The following KLRC4 variants were observed in gnomAD, a reference collection of about 807,000 sequenced individuals.
KLRC4 encodes the protein NKG2-F type II integral membrane protein.
Under a neutral mutation model 14.3 loss-of-function variants are expected in KLRC4, and 6 were observed. The ratio of observed to expected loss-of-function variants is 0.42; its 90% CI spans 0.23 to 0.83. The LOEUF is 0.83. KLRC4 is among the 40% of genes least tolerant of loss of function. The pLI, the probability that KLRC4 is intolerant of heterozygous loss-of-function variation, is 0.29. For synonymous variants in KLRC4, 53 were observed against 60.5 expected, an observed-to-expected ratio of 0.88 and a Z score of 0.57; for missense variants, 158 against 179.4, an observed-to-expected ratio of 0.88 and a Z score of 0.68.
intron 1 of KLRC4, 75 bp from the exon 2 acceptor site, chr12:10,409,085 ACG>A: frequency 6.7e-7 from 1 of 1,494,698 alleles, no homozygotes. Flanking sequence ...AAGAGAACTC[ACG>A]TGCACAGGAA....
chr12:10,408,969 C>T lies in KLRC4; in HGVS notation c.229G>A (p.Gly77Arg), dbSNP rs761018292. 3 of 1,613,698 alleles carry T rather than the reference C, an allele frequency of 1.9e-6. No individual in the cohort carries two copies. The Admixed American group carries it at 5.0e-5, about 27-fold the overall frequency. The change falls in exon 2 of 4, where the codon GGA (glycine) becomes AGA (arginine). Residue 77 changes from glycine (G) to arginine (R), a missense_variant. Physicochemically the swap from Gly to Arg is moderately radical, Grantham distance 125 (BLOSUM62 -2). Transcript: ENST00000309384. Reference protein sequence around the residue: ...PPEKLTAEVLGIICIVLMATV... With the variant: ...PPEKLTAEVLRIICIVLMATV... ...GCCATCAGGACAATGCAAATGATTC[C>T]TAGGACCTCAGCAGTGAGCTTCTCT... is the stretch of plus-strand genomic sequence containing the variant.
intron 1 of KLRC4, 106 bp from the exon 2 acceptor site, chr12:10,409,116 G>A (rs1863546347): frequency 1.6e-6 from 2 of 1,250,684 alleles, no homozygotes; most frequent in Non-Finnish European, 2.3e-6. Context: ...GATAAACTCT[G>A]TCCTCTAAAT....
chr12:10,409,481 G>A lies in KLRC4; in HGVS notation c.95C>T (p.Ser32Leu). The change falls in exon 1 of 4, where the codon TCA becomes TTA. Residue 32 changes from serine (S) to leucine (L), a missense_variant. By Grantham distance (145) the Ser-to-Leu change is moderately radical. Coordinates refer to ENST00000309384, the MANE Select transcript of KLRC4 (RefSeq NM_013431.2). ...RKLKGNKISISGTKQEIFQVE... is the reference protein window; with the variant it reads ...RKLKGNKISILGTKQEIFQVE... ...TTGGAATATTTCCTGTTTGGTTCCT[G>A]AAATGGAGATTTTATTGCCCTTAAG... 1 of 1,613,890 alleles carries A rather than the reference G, an allele frequency of 6.2e-7. No homozygotes were observed. The highest frequency in any genetic ancestry group is 2.2e-5 in the East Asian group (1 of 44,872).
chr12:10,409,387 A>C lies in KLRC4; in HGVS notation c.187+2T>G, dbSNP rs1270556669. The C allele has an allele frequency of 6.2e-7, 1 of 1,604,738 alleles. No individual in the cohort carries two copies. The highest frequency in any genetic ancestry group is 1.1e-5 in the South Asian group (1 of 90,874). Reference sequence around the variant, plus strand: ...ATATTGAAGATCTATTTAATGTTTTACCTTTGCAGTGATATGTCTTGTCAT... The same window carrying C: ...ATATTGAAGATCTATTTAATGTTTTCCCTTTGCAGTGATATGTCTTGTCAT... On this transcript the variant is annotated splice_donor_variant, in intron 1 of 3. Coordinates refer to ENST00000309384, the MANE Select transcript of KLRC4 (RefSeq NM_013431.2). LOFTEE classifies it high-confidence loss of function.
intron 3 of KLRC4, 42 bp downstream of exon 3, chr12:10,408,287 A>G: frequency 8.5e-7 from 1 of 1,173,394 alleles, no homozygotes; most frequent in Non-Finnish European, 1.3e-6. Flanking sequence ...GAGACAAAAT[A>G]TAAACTGTAC....
At chr12:10,409,063 AG>A in intron 1 of KLRC4, 53 bp from the exon 2 acceptor site, 1 of 1,598,962 alleles carries the variant, frequency 6.3e-7, no homozygotes, top group East Asian at 2.2e-5. Flanking sequence ...GTTGATGAGA[AG>A]GTTTACGTAC....
Position 10,407,701 on chromosome 12 carries a change from T to G in KLRC4, c.429A>C (p.Glu143Asp), listed in dbSNP as rs1284122411. The G allele has an allele frequency of 3.1e-6, 5 of 1,613,748 alleles. No homozygotes were observed. The Admixed American group carries it at 8.3e-5, about 27-fold the overall frequency. The change falls in exon 4 of 4, where the codon GAA (glutamate) becomes GAC (aspartate). Residue 143 changes from glutamate (E) to aspartate (D), a missense_variant. Glu to Asp is a conservative substitution (Grantham distance 45). Coordinates refer to ENST00000309384, the MANE Select transcript of KLRC4 (RefSeq NM_013431.2). ...TTCGAAGCACAGGCCAGCAAACTCT[T>G]TCTTCCCAAGTTCTTCTTTCCTTAC... is the stretch of plus-strand genomic sequence containing the variant. ...YIGKERRTWEERVCWPVLRRT... is the reference protein window; with the variant it reads ...YIGKERRTWEDRVCWPVLRRT...
At position 10,408,524 on chromosome 12, in the gene KLRC4, T is replaced by C. The variant is rs1591597530; in HGVS notation, c.287-142A>G. ...AAAAATGACTTTTCTATAAAAATAATGAGATCTTTAAAACAAATATTTTTA... is the reference window on the plus strand; with the variant it reads ...AAAAATGACTTTTCTATAAAAATAACGAGATCTTTAAAACAAATATTTTTA... On this transcript the variant is annotated intron_variant, in intron 2 of 3. Coordinates refer to ENST00000309384, the MANE Select transcript of KLRC4 (RefSeq NM_013431.2). The C allele has an allele frequency of 1.4e-5, 8 of 568,778 alleles. No individual in the cohort carries two copies. The East Asian group carries it at 2.6e-4, about 18-fold the overall frequency. 35.2% of individuals were successfully genotyped at this position (568,778 alleles called of 1,614,324 possible).
chr12:10,409,459 G>C lies in KLRC4; in HGVS notation c.117C>G (p.Phe39Leu). The C allele has an allele frequency of 6.2e-7, 1 of 1,613,660 alleles. No homozygotes were observed. The highest frequency in any genetic ancestry group is 8.5e-7 in the Non-Finnish European group (1 of 1,179,600). Residue 39 changes from phenylalanine to leucine, a missense_variant, in exon 1 of 4, where the codon TTC becomes TTG. By Grantham distance (22) the Phe-to-Leu change is conservative (BLOSUM62 0). Transcript: ENST00000309384. The part of the protein sequence containing the change: ...ISISGTKQEI[F>L]QVELNLQNAS... The stretch of plus-strand genomic sequence containing the variant: ...CATTTTGAAGGTTTAATTCTACTTG[G>C]AATATTTCCTGTTTGGTTCCTGAAA...
rs1186751104 is a variant in KLRC4, at chr12:10,409,592, T to C, written c.-17A>G. ...TTTATTCATCTCTGCAGCTGTGTGA[T>C]GTCAGGGACTGTGCTCTATGATAAC... On this transcript the variant is annotated 5_prime_UTR_variant, in exon 1 of 4. Coordinates refer to ENST00000309384, the MANE Select transcript of KLRC4 (RefSeq NM_013431.2). 2 of 1,604,440 alleles carry C rather than the reference T, an allele frequency of 1.2e-6. No homozygotes were observed. The highest frequency in any genetic ancestry group is 1.7e-6 in the Non-Finnish European group (2 of 1,176,336).
chr12:10,408,762 T>C, intron 2 of KLRC4, 150 bp downstream of exon 2: 2 of 940,158 alleles, frequency 2.1e-6, no homozygotes, highest in East Asian at 5.3e-5. Flanking sequence ...TATTTATAAA[T>C]TTGAAAAGTT....
Position 10,409,752 on chromosome 12 carries a change from G to T in KLRC4, c.-177C>A. The T allele has an allele frequency of 1.1e-6, 1 of 912,692 alleles. No individual in the cohort carries two copies. The highest frequency in any genetic ancestry group is 1.5e-6 in the Non-Finnish European group (1 of 680,138). 56.5% of individuals were successfully genotyped at this position (912,692 alleles called of 1,614,324 possible). A position where few individuals can be genotyped will look rare whatever the true frequency, so the allele number is the denominator to read the frequency against. On this transcript the variant is annotated 5_prime_UTR_variant, in exon 1 of 4. Transcript: ENST00000309384. ...AAAAGTCTGGTACTAATTTCCTAAA[G>T]TTTTAAACTGAAATCTCTTTAAACA...
rs1310185281 is a variant in KLRC4 at position 10,409,555 on chromosome 12, G to A, written c.21C>T (p.Thr7=). The A allele has an allele frequency of 1.1e-5, 18 of 1,612,656 alleles. No homozygotes were observed. Among genetic ancestry groups the A allele is most frequent in the Non-Finnish European group, 1.4e-5 (17 of 1,179,624 alleles). Residue 7 remains threonine (T), a synonymous_variant, in exon 1 of 4, where the codon ACC becomes ACT. Transcript: ENST00000309384. ...CCTGGGCCAGACTCACTTCTGAGTAGGTTCCTCTTTGTTTATTCATCTCTG... is the reference window on the plus strand; with the variant it reads ...CCTGGGCCAGACTCACTTCTGAGTAAGTTCCTCTTTGTTTATTCATCTCTG... MNKQRG[T]YSEVSLAQDP...
At position 10,407,730 on chromosome 12, in the gene KLRC4, T is replaced by G. The variant is rs770139353; in HGVS notation, c.400A>C (p.Ile134Leu). Residue 134 changes from isoleucine (I) to leucine (L), a missense_variant, in exon 4 of 4, where the codon ATT (isoleucine) becomes CTT (leucine). Transcript: ENST00000309384. Reference sequence around the variant, plus strand: ...TCCCAAGTTCTTCTTTCCTTACCAATGTAATAACAACTGTTGGAATATGTA... The same window carrying G: ...TCCCAAGTTCTTCTTTCCTTACCAAGGTAATAACAACTGTTGGAATATGTA... Reference protein sequence around the residue: ...WITYSNSCYYIGKERRTWEER... With the variant: ...WITYSNSCYYLGKERRTWEER... 1.9e-6 allele frequency: 3 copies of G among 1,613,816 alleles called. No homozygotes were observed. Among genetic ancestry groups the G allele is most frequent in the Non-Finnish European group, 2.5e-6 (3 of 1,179,852 alleles).
At position 10,408,431 on chromosome 12, in the gene KLRC4, T is replaced by C. The variant is rs746484235; in HGVS notation, c.287-49A>G. On this transcript the variant is annotated intron_variant, in intron 2 of 3. Coordinates refer to ENST00000309384, the MANE Select transcript of KLRC4 (RefSeq NM_013431.2). ...ACAAAATTAATATCTAGACAAATTA[T>C]AATAAATTCAGTTGCTTACTTTGAA... 241 of 902,034 alleles carry C rather than the reference T, an allele frequency of 2.7e-4. 1 individual carries two copies. The highest frequency in any genetic ancestry group is 4.2e-5 in the Non-Finnish European group (24 of 572,268). The allele number at this position is 902,034 out of a possible 1,614,324, so 55.9% of individuals were successfully genotyped here. A position where few individuals can be genotyped will look rare whatever the true frequency, so the allele number is the denominator to read the frequency against.
At chr12:10,408,714 A>G (rs1284223241) in intron 2 of KLRC4, among the ~76,000 whole-genome samples, 198 bp downstream of exon 2, 1 of 151,964 alleles carries the variant, frequency 6.6e-6, no homozygotes, top group Non-Finnish European at 1.5e-5. Context: ...TATATTTAGT[A>G]CACACAAAAA....
At chr12:10,409,059 G>C in intron 1 of KLRC4, 49 bp from the exon 2 acceptor site, 1 of 1,604,982 alleles carries the variant, frequency 6.2e-7, no homozygotes, top group Non-Finnish European at 8.5e-7. Context: ...GAGAGTTGAT[G>C]AGAAGGTTTA....
At chr12:10,407,972 C>T (rs1024354469) in intron 3 of KLRC4, among the ~76,000 whole-genome samples, 183 bp from the exon 4 acceptor site, 3 of 152,120 alleles carry the variant, frequency 2.0e-5, no homozygotes, top group African/African-American at 7.2e-5. Context: ...CACCTCTCAT[C>T]CCTTAATTGT....
At chr12:10,409,240 C>G (rs756756483) in intron 1 of KLRC4, 149 bp downstream of exon 1, 8 of 955,872 alleles carry the variant, frequency 8.4e-6, no homozygotes, top group Non-Finnish European at 1.2e-5. Context: ...TGAATAAAAT[C>G]AGGCTTCAGA....
Sources: allele counts gnomAD v4.1 joint callset (sites outside exome capture counted in the v4.1 genomes callset), GRCh38; gene constraint gnomAD v4.1.1; transcripts MANE v1.5; gene names NCBI Gene and HGNC (gene_info 2026-07-23, HGNC 2026-07-21).